PSMA5: variants seen among roughly 807,000 people sequenced by gnomAD.
PSMA5 encodes the protein proteasome subunit alpha type-5.
PSMA5 carries 3 observed loss-of-function variants against 34.5 expected under a neutral mutation model. The ratio of observed to expected loss-of-function variants is 0.09; its 90% CI spans 0.04 to 0.22. The LOEUF (loss-of-function observed/expected upper bound fraction) is 0.22. Among genes scored for constraint, PSMA5 ranks in the 10% least tolerant of loss-of-function variants. The pLI, the probability that PSMA5 is intolerant of heterozygous loss-of-function variation, is 1.00. For missense variants in PSMA5, 120 were observed against 286.1 expected (o/e 0.42, Z 4.19); for synonymous variants, 88 against 95.8 (o/e 0.92, Z 0.47).
intron 8 of PSMA5, among the ~76,000 whole-genome samples, chr1:109,402,944 A>G (rs1296403352): frequency 6.6e-6 from 1 of 152,164 alleles, no homozygotes; most frequent in African/African-American, 2.4e-5. Context: ...ACCTCAGGTG[A>G]TCTGCCCACC....
chr1:109,423,003 C>T (rs906347360), intron 1 of PSMA5, among the ~76,000 whole-genome samples: 2 of 152,226 alleles, frequency 1.3e-5, no homozygotes, highest in South Asian at 2.1e-4. Context: ...GAAATCCCTA[C>T]GGAGAAGAGG....
At chr1:109,418,967 C>T (rs997276578) in intron 2 of PSMA5, among the ~76,000 whole-genome samples, 2 of 152,116 alleles carry the variant, frequency 1.3e-5, no homozygotes, top group Non-Finnish European at 2.9e-5. Flanking sequence ...CTAGCCTGAC[C>T]AACATGGACA....
intron 8 of PSMA5, among the ~76,000 whole-genome samples, chr1:109,409,160 TTTTA>T (rs1653900195): frequency 6.6e-6 from 1 of 152,140 alleles, no homozygotes; most frequent in Non-Finnish European, 1.5e-5. Flanking sequence ...CTTTCATTCT[TTTTA>T]TTTTATTTTT....
chr1:109,417,088 G>A (rs1042577777), intron 2 of PSMA5, among the ~76,000 whole-genome samples: 5 of 152,182 alleles, frequency 3.3e-5, no homozygotes, highest in African/African-American at 2.4e-5. Flanking sequence ...CTGGACAACA[G>A]AGTGAGACCC....
At chr1:109,419,312 C>G (rs896072139) in intron 2 of PSMA5, among the ~76,000 whole-genome samples, 6 of 152,182 alleles carry the variant, frequency 3.9e-5, no homozygotes, top group African/African-American at 1.4e-4. Flanking sequence ...TCCACAGGTA[C>G]ACAGGAGGCC....
At chr1:109,406,926 C>A (rs992283153) in intron 8 of PSMA5, among the ~76,000 whole-genome samples, 1 of 151,968 alleles carries the variant, frequency 6.6e-6, no homozygotes, top group Non-Finnish European at 1.5e-5. Flanking sequence ...TAAGGACACT[C>A]GACAGAAGGA....
chr1:109,402,079 C>T lies in PSMA5; in HGVS notation c.660G>A (p.Val220=), dbSNP rs1427955338. The T allele has an allele frequency of 6.2e-7, 1 of 1,612,008 alleles. No homozygotes were observed. The highest frequency in any genetic ancestry group is 8.5e-7 in the Non-Finnish European group (1 of 1,178,924). Residue 220 remains valine, a synonymous_variant, in exon 9 of 9, where the codon GTG becomes GTA. Transcript: ENST00000271308. Reference sequence around the variant, plus strand: ...ACATGTGGAAATTCTGGCCAGGCTGCACTGTGGCTAGCTGGAAAGAAAACA... The same window carrying T: ...ACATGTGGAAATTCTGGCCAGGCTGTACTGTGGCTAGCTGGAAAGAAAACA... ...LNATNIELAT[V]QPGQNFHMFT... is the part of the protein sequence containing the mutation.
At chr1:109,421,813 G>T in intron 2 of PSMA5, 47 bp downstream of exon 2, 2 of 1,442,002 alleles carry the variant, frequency 1.4e-6, no homozygotes, top group Non-Finnish European at 1.9e-6. Context: ...CCAGCAAAAT[G>T]TTAGGTAGCC....
chr1:109,409,548 C>T (rs1424962394), intron 8 of PSMA5, among the ~76,000 whole-genome samples: 1 of 152,222 alleles, frequency 6.6e-6, no homozygotes, highest in Non-Finnish European at 1.5e-5. Context: ...TTCTTAGGAA[C>T]TAAACATACA....
intron 8 of PSMA5, among the ~76,000 whole-genome samples, chr1:109,409,641 CAGTGG>C: frequency 6.6e-6 from 1 of 152,280 alleles, no homozygotes; most frequent in Non-Finnish European, 1.5e-5. Flanking sequence ...CAGCCAGGTG[CAGTGG>C]CTCTCACCTA....
rs527434791 is a variant in PSMA5, at chr1:109,415,913, C to A, written c.97-550G>T. Among the ~76,000 whole-genome samples the A allele has an allele frequency of 1.0e-3, 154 of 152,198 alleles. No homozygotes were observed. The Middle Eastern group carries it at 0.01, about 10-fold the overall frequency. On this transcript the variant is annotated intron_variant, in intron 2 of 8. Transcript: ENST00000271308. Reference sequence around the variant, plus strand: ...GAAGGTAGGGAGGGACGAAAAGAACCACCACCATCATCACCACCAACAACG... The same window carrying A: ...GAAGGTAGGGAGGGACGAAAAGAACAACCACCATCATCACCACCAACAACG...
chr1:109,408,753 C>T (rs1571017483), intron 8 of PSMA5, among the ~76,000 whole-genome samples: 2 of 151,624 alleles, frequency 1.3e-5, no homozygotes, highest in South Asian at 4.2e-4. Context: ...TGCAGTGGTG[C>T]AATCTCGGCT....
At position 109,401,724 on chromosome 1, in the gene PSMA5, A is replaced by C. The variant is rs1571009658; in HGVS notation, c.*289T>G. 2.7e-5 allele frequency: 6 copies of C among 221,004 alleles called. No homozygotes were observed. The East Asian group carries it at 6.0e-4, about 22-fold the overall frequency. The allele number at this position is 221,004 out of a possible 1,614,324, so 13.7% of individuals were successfully genotyped here. The stretch of plus-strand genomic sequence containing the variant: ...TCGCCTATAATCCTAGCACTTCAGG[A>C]GGCAGAGGCGGGAAGATCACTTGAA... On this transcript the variant is annotated 3_prime_UTR_variant, in exon 9 of 9. Transcript: ENST00000271308.
rs149642021 is a variant in PSMA5 at position 109,415,276 on chromosome 1, T to C, written c.184A>G (p.Ser62Gly). 1.9e-5 allele frequency: 31 copies of C among 1,614,088 alleles called. No homozygotes were observed. The highest frequency in any genetic ancestry group is 3.3e-4 in the Middle Eastern group (2 of 6,062). The change falls in exon 3 of 9, where the codon AGC becomes GGC. Residue 62 changes from serine to glycine, a missense_variant. Physicochemically the swap from Ser to Gly is moderately conservative, Grantham distance 56 (BLOSUM62 0). Around this residue, in one of 3 missense-constraint regions of PSMA5, gnomAD observed 20 missense variants for 19.4 expected, o/e 1.03. Coordinates refer to ENST00000271308, the MANE Select transcript of PSMA5 (RefSeq NM_002790.4). ...ATCTCTACAATTTTCTCAATGCTGC[T>C]GGGCTCCATCAGTGGGGAAGTAATT... ...KRITSPLMEP[S>G]SIEKIVEIDA... is the part of the protein sequence containing the mutation.
intron 2 of PSMA5, among the ~76,000 whole-genome samples, chr1:109,419,798 CAAAAAAAAA>C (rs57566863): frequency 6.4e-5 from 2 of 31,018 alleles, no homozygotes; most frequent in South Asian, 1.7e-3. Context: ...GACTCCGTCT[CAAAAAAAAA>C]AAAAAAAAAA....
chr1:109,406,293 G>T (rs1355984007), intron 8 of PSMA5, among the ~76,000 whole-genome samples: 1 of 152,200 alleles, frequency 6.6e-6, no homozygotes, highest in African/African-American at 2.4e-5. Flanking sequence ...GATAATACAG[G>T]TTCTGTTTGG....
rs187599657 is a variant in PSMA5 at position 109,402,115 on chromosome 1, T to A, written c.649-25A>T. On this transcript the variant is annotated intron_variant, in intron 8 of 8. Coordinates refer to ENST00000271308, the MANE Select transcript of PSMA5 (RefSeq NM_002790.4). The stretch of plus-strand genomic sequence containing the variant: ...GCTGGAAAGAAAACAGAAGGGTTAA[T>A]AAGCTGGGCTGAGTTACCCTGCTGA... The A allele has an allele frequency of 4.8e-4, 761 of 1,578,016 alleles. 1 individual carries two copies. Among genetic ancestry groups the A allele is most frequent in the Non-Finnish European group, 6.2e-4 (719 of 1,150,724 alleles).
intron 4 of PSMA5, 30 bp downstream of exon 4, chr1:109,413,038 C>T: frequency 1.3e-6 from 2 of 1,589,690 alleles, no homozygotes; most frequent in Non-Finnish European, 1.7e-6. Flanking sequence ...CTCAAGCATC[C>T]TGGTAAAAAG....
At chr1:109,420,453 G>A (rs1294329849) in intron 2 of PSMA5, among the ~76,000 whole-genome samples, 2 of 152,160 alleles carry the variant, frequency 1.3e-5, no homozygotes, top group African/African-American at 2.4e-5. Context: ...AATTTAAAGT[G>A]TTGCCTCTGA....
Sources: gnomAD v4.1 joint callset for allele counts (sites outside exome capture counted in the v4.1 genomes callset) on GRCh38, gnomAD v4.1.1 for gene constraint, gnomAD v4.1.1 regional missense constraint, MANE v1.5 for transcripts, NCBI Gene and HGNC (gene_info 2026-07-23, HGNC 2026-07-21) for gene names.